The following BCAP31 variants were observed in gnomAD, a reference collection of about 807,000 sequenced individuals.
BCAP31 encodes B-cell receptor-associated protein 31.
For synonymous variants in BCAP31, 75 were observed against 80.9 expected (o/e 0.93, Z 0.39); for missense variants, 124 against 193.0 (o/e 0.64, Z 2.12).
At chrX:153,708,672 T>C (rs1195490999) in intron 4 of BCAP31, among the ~76,000 whole-genome samples, 7 of 112,647 alleles carry the variant, frequency 6.2e-5, no homozygotes, top group Non-Finnish European at 1.3e-4. Flanking sequence ...AGGTGACGCC[T>C]CAGGAAGGCT....
chrX:153,700,662 C>G lies in BCAP31; in HGVS notation c.*275G>C. The G allele has an allele frequency of 3.2e-6, 1 of 312,257 alleles. No individual in the cohort carries two copies. Among genetic ancestry groups the G allele is most frequent in the Non-Finnish European group, 5.5e-6 (1 of 180,248 alleles). The allele number at this position is 312,257 out of a possible 1,213,427, so 25.7% of individuals were successfully genotyped here. On this transcript the variant is annotated 3_prime_UTR_variant, in exon 8 of 8. Coordinates refer to ENST00000345046, the MANE Select transcript of BCAP31 (RefSeq NM_001256447.2). ...AGCCGGACTACAACTAACTCGTGCT[C>G]TCCACGCTCAGGCGTGGAAGCCAAG...
At chrX:153,714,292 C>A (rs184978924) in intron 4 of BCAP31, among the ~76,000 whole-genome samples, 1 of 109,477 alleles carries the variant, frequency 9.1e-6, no homozygotes, top group East Asian at 2.9e-4. Flanking sequence ...CTGTCACACT[C>A]AGAATTCTGG....
At chrX:153,710,430 G>A (rs1478793848) in intron 4 of BCAP31, among the ~76,000 whole-genome samples, 1 of 111,869 alleles carries the variant, frequency 8.9e-6, no homozygotes, top group Non-Finnish European at 1.9e-5. Flanking sequence ...TTGACACCGT[G>A]AAAGCGCCTC....
At chrX:153,723,052 CG>C in intron 2 of BCAP31, 100 bp downstream of exon 2, 4 of 1,043,546 alleles carry the variant, frequency 3.8e-6, no homozygotes, top group Non-Finnish European at 5.2e-6. Context: ...CCTGTTCCAT[CG>C]GGTCCCAATT....
At chrX:153,701,884 A>T in intron 7 of BCAP31, 123 bp downstream of exon 7, 1 of 599,576 alleles carries the variant, frequency 1.7e-6, no homozygotes, top group Non-Finnish European at 2.6e-6. Flanking sequence ...AGAGGTGGCC[A>T]GGGGGAGTGG....
chrX:153,707,598 A>C (rs2091563551), intron 4 of BCAP31, among the ~76,000 whole-genome samples: 1 of 111,978 alleles, frequency 8.9e-6, no homozygotes, highest in Non-Finnish European at 1.9e-5. Flanking sequence ...CAGAGGAGAC[A>C]GAAGACAGGA....
Position 153,723,634 on chromosome X carries a change from G to A in BCAP31, c.-44-346C>T. 12 of 1,164,903 alleles carry A rather than the reference G, an allele frequency of 1.0e-5. No individual in the cohort carries two copies. The highest frequency in any genetic ancestry group is 1.3e-5 in the Non-Finnish European group (11 of 870,628). ...CGTTCTTCGGGAAGAGCAGTGCCAGGGCACCAAGAGGAGGACGCCTCGGCA... is the reference window on the plus strand; with the variant it reads ...CGTTCTTCGGGAAGAGCAGTGCCAGAGCACCAAGAGGAGGACGCCTCGGCA... On this transcript the variant is annotated intron_variant, in intron 1 of 7. Coordinates refer to ENST00000345046, the MANE Select transcript of BCAP31 (RefSeq NM_001256447.2).
In BCAP31 at chrX:153,721,027, T is replaced by C; in HGVS notation, c.93-55A>G. 7 of 1,052,722 alleles carry C rather than the reference T, an allele frequency of 6.6e-6. No homozygotes were observed. In the South Asian group the frequency reaches 1.2e-4, roughly 18 times the overall value. The allele number at this position is 1,052,722 out of a possible 1,213,427, so 86.8% of individuals were successfully genotyped here. A position where few individuals can be genotyped will look rare whatever the true frequency, so the allele number is the denominator to read the frequency against. On this transcript the variant is annotated intron_variant, in intron 2 of 7. Transcript: ENST00000345046. Reference sequence around the variant, plus strand: ...GAAGAGAAAGCACACACACGAGCTCTAGGGCCCTGAGCAAAATGGAAATCC... The same window carrying C: ...GAAGAGAAAGCACACACACGAGCTCCAGGGCCCTGAGCAAAATGGAAATCC...
chrX:153,724,300 C>G (rs2091692302), intron 1 of BCAP31, 34 bp downstream of exon 1: 1 of 166,370 alleles, frequency 6.0e-6, no homozygotes, highest in Admixed American at 8.7e-5. Context: ...CTCCGCGGTC[C>G]CGGAGCCCAG....
Position 153,715,480 on chromosome X carries a change from C to T in BCAP31, c.341+62G>A, listed in dbSNP as rs147295380. 1,142 of 1,176,332 alleles carry T rather than the reference C, an allele frequency of 9.7e-4. 6 individuals are homozygous for T. In the African/African-American group the frequency reaches 0.013, roughly 13 times the overall value. On this transcript the variant is annotated intron_variant, in intron 4 of 7. Transcript: ENST00000345046. The stretch of plus-strand genomic sequence containing the variant: ...GGGGGGAGACTGAGCCCACTGAGCT[C>T]GGTGTCCATGGCTAGCCCATGGCTC...
intron 3 of BCAP31, 133 bp downstream of exon 3, chrX:153,720,739 G>A (rs1557050859): frequency 1.8e-6 from 1 of 545,857 alleles, no homozygotes; most frequent in African/African-American, 2.3e-5. Flanking sequence ...TCCCTCAAGA[G>A]AAAGACACAG....
intron 2 of BCAP31, chrX:153,721,214 T>C: frequency 3.1e-6 from 1 of 325,778 alleles, no homozygotes; most frequent in East Asian, 5.3e-5. Flanking sequence ...GGTGGGTGGA[T>C]CACTTGAGGT....
chrX:153,723,712 G>A (rs1557051642), intron 1 of BCAP31: 3 of 1,132,906 alleles, frequency 2.6e-6, no homozygotes, highest in Non-Finnish European at 3.5e-6. Flanking sequence ...AGAGGCGGGC[G>A]CTCTGCGGGC....
At chrX:153,716,679 G>A (rs1221926643) in intron 3 of BCAP31, among the ~76,000 whole-genome samples, 1 of 110,525 alleles carries the variant, frequency 9.0e-6, no homozygotes, top group Non-Finnish European at 1.9e-5. Flanking sequence ...AAGATCGCTT[G>A]AGCCCAAGAG....
Position 153,700,956 on chromosome X carries a change from A to G in BCAP31, c.722T>C (p.Met241Thr). 8.3e-7 allele frequency: 1 copy of G among 1,207,625 alleles called. No individual in the cohort carries two copies. Among genetic ancestry groups the G allele is most frequent in the African/African-American group, 1.7e-5 (1 of 57,499 alleles). ...AKLQAAVDGPMDKKEE is the reference protein window; with the variant it reads ...AKLQAAVDGPTDKKEE Reference sequence around the variant, plus strand: ...AGGCCCTTACTCTTCCTTCTTGTCCATGGGACCATCTACTGCAGCCTGGAA... The same window carrying G: ...AGGCCCTTACTCTTCCTTCTTGTCCGTGGGACCATCTACTGCAGCCTGGAA... Residue 241 changes from methionine to threonine, a missense_variant, in exon 8 of 8, where the codon ATG (methionine) becomes ACG (threonine). Physicochemically the swap from Met to Thr is moderately conservative, Grantham distance 81 (BLOSUM62 -1). Coordinates refer to ENST00000345046, the MANE Select transcript of BCAP31 (RefSeq NM_001256447.2).
chrX:153,702,218 G>A (rs2091523191), intron 6 of BCAP31, 111 bp from the exon 7 acceptor site: 1 of 610,001 alleles, frequency 1.6e-6, no homozygotes, highest in Admixed American at 3.5e-5. Context: ...TCTCAAACGA[G>A]GTTATACAGG....
intron 4 of BCAP31, among the ~76,000 whole-genome samples, chrX:153,705,873 G>A (rs781845612): frequency 1.8e-5 from 2 of 112,290 alleles, no homozygotes; most frequent in Non-Finnish European, 3.8e-5. Flanking sequence ...CCAGGCAAGC[G>A]GCTGCTGGTG....
intron 1 of BCAP31, 65 bp from the exon 2 acceptor site, chrX:153,723,353 AC>A (rs1282765727): frequency 8.8e-7 from 1 of 1,135,503 alleles, no homozygotes; most frequent in Non-Finnish European, 1.2e-6. Context: ...CAGTTCAGTT[AC>A]CCTGCGAGGC....
At chrX:153,722,723 T>C (rs1435120789) in intron 2 of BCAP31, among the ~76,000 whole-genome samples, 1 of 111,717 alleles carries the variant, frequency 9.0e-6, no homozygotes, top group Non-Finnish European at 1.9e-5. Context: ...GGCTGAGTAA[T>C]GTTCATGCAG....
Sources: gnomAD v4.1 joint callset for allele counts (sites outside exome capture counted in the v4.1 genomes callset) on GRCh38, gnomAD v4.1.1 for gene constraint, MANE v1.5 for transcripts, NCBI Gene and HGNC (gene_info 2026-07-23, HGNC 2026-07-21) for gene names.